Variants in CUX1 observed in about 807,000 individuals in gnomAD.
CUX1 encodes cut like homeobox 1, also known as protein CASP.
A neutral mutation model predicts 158.8 loss-of-function variants in CUX1; 31 were observed. The ratio of observed to expected loss-of-function variants is 0.20; its 90% CI spans 0.15 to 0.26. CUX1 has a LOEUF of 0.26. CUX1 is among the 10% of genes least tolerant of loss of function. The pLI is 1.00. For synonymous variants in CUX1, 879 were observed against 862.1 expected, an observed-to-expected ratio of 1.02 and a Z score of -0.34; for missense variants, 1,589 against 2,014.6, an observed-to-expected ratio of 0.79 and a Z score of 4.04.
chr7:101,916,577 G>A lies in CUX1; in HGVS notation c.141+352G>A. The A allele has an allele frequency of 4.0e-6, 1 of 248,468 alleles. No homozygotes were observed. The highest frequency in any genetic ancestry group is 8.3e-6 in the Non-Finnish European group (1 of 120,610). The allele number at this position is 248,468 out of a possible 1,614,324, so 15.4% of individuals were successfully genotyped here. A position where few individuals can be genotyped will look rare whatever the true frequency, so the allele number is the denominator to read the frequency against. On this transcript the variant is annotated intron_variant, in intron 2 of 23. Coordinates refer to ENST00000292535, the MANE Select transcript of CUX1 (RefSeq NM_181552.4). The surrounding 1 kb of genome is among the most constrained non-coding windows in gnomAD (Gnocchi z 4.4). Reference sequence around the variant, plus strand: ...CCATGTCAGTTAGCAAGCCACCAAAGTCCATAAGGGATCCTGTGGGGTGGA... The same window carrying A: ...CCATGTCAGTTAGCAAGCCACCAAAATCCATAAGGGATCCTGTGGGGTGGA...
intron 8 of CUX1, among the ~76,000 whole-genome samples, chr7:102,132,851 T>C (rs1833470674): frequency 6.6e-6 from 1 of 151,982 alleles, no homozygotes. Context: ...TTTGTATTTT[T>C]AGTAGTGACA....
intron 4 of CUX1, among the ~76,000 whole-genome samples, chr7:102,089,515 A>G (rs1156636662): frequency 6.6e-6 from 1 of 152,232 alleles, no homozygotes; most frequent in Non-Finnish European, 1.5e-5. Flanking sequence ...AGATGAGTTT[A>G]GCCCTCCACT....
At chr7:101,841,515 C>A (rs181043996) in intron 1 of CUX1, among the ~76,000 whole-genome samples, 81 of 151,292 alleles carry the variant, frequency 5.4e-4, no homozygotes, top group African/African-American at 2.0e-3. Flanking sequence ...TTTTTTCTAA[C>A]TTATTTTTTT....
At chr7:102,279,101 G>A (rs539456666) in intron 18 of CUX1, among the ~76,000 whole-genome samples, 1 of 152,146 alleles carries the variant, frequency 6.6e-6, no homozygotes, top group Admixed American at 6.5e-5. Context: ...AGCGGTTTGG[G>A]AGGCTGAGGC....
intron 8 of CUX1, among the ~76,000 whole-genome samples, chr7:102,157,139 G>A (rs1554505536): frequency 6.6e-6 from 1 of 152,148 alleles, no homozygotes; most frequent in East Asian, 1.9e-4. Flanking sequence ...GAGAAAGAGT[G>A]GCGGGTAAGG....
intron 1 of CUX1, among the ~76,000 whole-genome samples, chr7:101,851,384 C>T (rs533274476): frequency 1.1e-4 from 17 of 152,184 alleles, no homozygotes; most frequent in South Asian, 8.3e-4. Context: ...CTCATCATCT[C>T]GGGGGCTTCC....
At chr7:102,048,597 G>A (rs1823114315) in intron 3 of CUX1, among the ~76,000 whole-genome samples, 1 of 152,194 alleles carries the variant, frequency 6.6e-6, no homozygotes, top group Non-Finnish European at 1.5e-5. Context: ...GGGAGGCCAA[G>A]GCGGGTGGAT....
intron 2 of CUX1, among the ~76,000 whole-genome samples, chr7:101,992,935 C>G (rs890297837): frequency 3.3e-5 from 5 of 152,134 alleles, no homozygotes; most frequent in African/African-American, 1.2e-4. Context: ...AGCCTCTGGC[C>G]ACCCCGAGGG....
At chr7:101,845,358 G>A (rs1795581439) in intron 1 of CUX1, among the ~76,000 whole-genome samples, 2 of 152,146 alleles carry the variant, frequency 1.3e-5, no homozygotes, top group African/African-American at 2.4e-5. Context: ...GACTGGCCAC[G>A]AATTGGCGAT....
intron 9 of CUX1, among the ~76,000 whole-genome samples, chr7:102,164,758 G>A (rs1420996848): frequency 2.0e-5 from 3 of 152,306 alleles, no homozygotes; most frequent in East Asian, 1.9e-4. Flanking sequence ...TGCATGCTGC[G>A]GGTAGGGCAG....
chr7:102,019,759 G>A (rs147066287), intron 2 of CUX1, among the ~76,000 whole-genome samples: 93 of 152,304 alleles, frequency 6.1e-4, no homozygotes, highest in Middle Eastern at 3.4e-3. Context: ...GCCAGGACAC[G>A]GAACGTGTTT....
At chr7:102,006,597 A>G (rs1451782057) in intron 2 of CUX1, among the ~76,000 whole-genome samples, 3 of 152,026 alleles carry the variant, frequency 2.0e-5, no homozygotes, top group Admixed American at 2.0e-4. Context: ...GAGTTTCACT[A>G]TGTTGGCCAG....
chr7:102,184,981 C>A (rs1793482032), intron 11 of CUX1, among the ~76,000 whole-genome samples: 1 of 152,178 alleles, frequency 6.6e-6, no homozygotes, highest in Admixed American at 6.5e-5. Flanking sequence ...GACCAGTTCC[C>A]AGATTCTCTT....
intron 1 of CUX1, among the ~76,000 whole-genome samples, chr7:101,875,709 G>C (rs986331760): frequency 6.6e-6 from 1 of 152,164 alleles, no homozygotes; most frequent in Non-Finnish European, 1.5e-5. Context: ...GGGTAGGTGC[G>C]CCGCTCTCTG....
chr7:101,958,623 G>C (rs1563060869), intron 2 of CUX1, among the ~76,000 whole-genome samples: 1 of 151,296 alleles, frequency 6.6e-6, no homozygotes, highest in African/African-American at 2.4e-5. Context: ...TGAGATTACA[G>C]GTGCGCACCA....
At chr7:102,216,164 C>T (rs879973515) in intron 20 of CUX1, among the ~76,000 whole-genome samples, 4 of 152,038 alleles carry the variant, frequency 2.6e-5, no homozygotes, top group Admixed American at 6.6e-5. Context: ...ATTAGCCAGG[C>T]GTAGTGGTGT....
At chr7:102,235,294 G>C (rs1554532239) in intron 22 of CUX1, among the ~76,000 whole-genome samples, 1 of 152,198 alleles carries the variant, frequency 6.6e-6, no homozygotes, top group Non-Finnish European at 1.5e-5. Context: ...AGCTCACTGG[G>C]CGGCTGAACT....
chr7:102,114,668 AG>A (rs1257448083), intron 7 of CUX1, among the ~76,000 whole-genome samples: 1 of 152,224 alleles, frequency 6.6e-6, no homozygotes, highest in Non-Finnish European at 1.5e-5. Flanking sequence ...ACTTCAGGCC[AG>A]GAGTTCCAGA....
At chr7:102,185,754 C>T (rs970649745) in intron 11 of CUX1, among the ~76,000 whole-genome samples, 12 of 152,076 alleles carry the variant, frequency 7.9e-5, no homozygotes, top group African/African-American at 1.2e-4. Flanking sequence ...CAGGATCTGT[C>T]GGACTCTGGA....
Sources: gnomAD v4.1 joint callset for allele counts (sites outside exome capture counted in the v4.1 genomes callset) on GRCh38, gnomAD v4.1.1 for gene constraint, Gnocchi (gnomAD v3.1) non-coding constraint, MANE v1.5 for transcripts, NCBI Gene and HGNC (gene_info 2026-07-23, HGNC 2026-07-21) for gene names.